BNC2: variants seen among roughly 807,000 people sequenced by gnomAD.
BNC2 encodes the protein basonuclin zinc finger protein 2.
In BNC2, 20 loss-of-function variants were observed where a neutral mutation model predicts 76.3. That is an observed-to-expected ratio of 0.26 (90% confidence interval 0.18 to 0.38). The LOEUF (loss-of-function observed/expected upper bound fraction) is 0.38. BNC2 is among the 10% of genes least tolerant of loss of function. The pLI, the probability that BNC2 is intolerant of heterozygous loss-of-function variation, is 1.00. For synonymous variants in BNC2, 582 were observed against 514.8 expected, an observed-to-expected ratio of 1.13 and a Z score of -1.77; for missense variants, 1,382 against 1,399.8, an observed-to-expected ratio of 0.99 and a Z score of 0.20.
At chr9:16,602,760 C>T (rs1820278224) in intron 3 of BNC2, among the ~76,000 whole-genome samples, 1 of 152,162 alleles carries the variant, frequency 6.6e-6, no homozygotes, top group African/African-American at 2.4e-5. Context: ...TCAGCCACTT[C>T]CTCCAGGGAC....
chr9:16,539,327 C>G (rs577529245), intron 5 of BNC2, among the ~76,000 whole-genome samples: 1 of 151,784 alleles, frequency 6.6e-6, no homozygotes. Flanking sequence ...TGAGACCAGC[C>G]TGGGCAATAC....
At chr9:16,574,483 G>T (rs548547361) in intron 4 of BNC2, among the ~76,000 whole-genome samples, 9 of 152,138 alleles carry the variant, frequency 5.9e-5, no homozygotes, top group Admixed American at 5.9e-4. Context: ...TCAAATAAGG[G>T]CTCAAATGAC....
chr9:16,559,561 T>C (rs751024980), intron 4 of BNC2, among the ~76,000 whole-genome samples: 1 of 152,224 alleles, frequency 6.6e-6, no homozygotes, highest in Non-Finnish European at 1.5e-5. Flanking sequence ...TTCGAATAAA[T>C]AGTCAATATG....
At chr9:16,653,478 T>C (rs905200563) in intron 3 of BNC2, among the ~76,000 whole-genome samples, 1 of 152,174 alleles carries the variant, frequency 6.6e-6, no homozygotes, top group Non-Finnish European at 1.5e-5. Flanking sequence ...GGCTTCTTTT[T>C]GTGTGTTTTA....
intron 3 of BNC2, among the ~76,000 whole-genome samples, chr9:16,598,936 C>T (rs1290172721): frequency 6.6e-6 from 1 of 151,976 alleles, no homozygotes; most frequent in Admixed American, 6.6e-5. Flanking sequence ...GGTTTTTGCA[C>T]AAAATATTAA....
chr9:16,856,802 A>T (rs1393622071), intron 1 of BNC2, among the ~76,000 whole-genome samples: 1 of 152,202 alleles, frequency 6.6e-6, no homozygotes, highest in Non-Finnish European at 1.5e-5. Context: ...ATCACATTGT[A>T]CTTCCAGAAG....
intron 1 of BNC2, among the ~76,000 whole-genome samples, chr9:16,818,692 T>A (rs1385761288): frequency 6.6e-6 from 1 of 151,156 alleles, no homozygotes; most frequent in Admixed American, 6.6e-5. Flanking sequence ...TCTGAACTAG[T>A]TTTTACTGTT....
intron 3 of BNC2, among the ~76,000 whole-genome samples, chr9:16,628,830 T>C (rs17739929): frequency 0.057 from 8,710 of 152,272 alleles, 328 homozygotes; most frequent in Middle Eastern, 0.096. Context: ...TGGATAATCA[T>C]TGCTGTTAAA....
At chr9:16,603,070 G>A (rs751373395) in intron 3 of BNC2, among the ~76,000 whole-genome samples, 12 of 152,150 alleles carry the variant, frequency 7.9e-5, no homozygotes, top group African/African-American at 2.9e-4. Flanking sequence ...TACATGCTTC[G>A]AAAAGATGCT....
chr9:16,819,646 G>C (rs1269537636), intron 1 of BNC2, among the ~76,000 whole-genome samples: 1 of 151,718 alleles, frequency 6.6e-6, no homozygotes, highest in Non-Finnish European at 1.5e-5. Context: ...GACAGAGCAA[G>C]ATTCCTTCTC....
chr9:16,585,864 C>G (rs370515852), intron 3 of BNC2, among the ~76,000 whole-genome samples: 20 of 152,092 alleles, frequency 1.3e-4, no homozygotes, highest in African/African-American at 4.8e-4. Context: ...TGCCTCCAAC[C>G]CTCTTCTGGG....
At chr9:16,419,802 A>G (rs750839514) in intron 6 of BNC2, among the ~76,000 whole-genome samples, 153 bp from the exon 7 acceptor site, 3 of 152,180 alleles carry the variant, frequency 2.0e-5, no homozygotes, top group Non-Finnish European at 4.4e-5. Context: ...GCATTCCCCT[A>G]TATCCTCAGG....
In BNC2 at chr9:16,461,430, G is replaced by A. The variant is rs372906642; in HGVS notation, c.670-23906C>T. 3.3e-5 allele frequency among the ~76,000 whole-genome samples: 5 copies of A among 152,244 alleles called. 1 individual carries two copies. The East Asian group carries it at 5.8e-4, about 18-fold the overall frequency. On this transcript the variant is annotated intron_variant, in intron 5 of 6. Coordinates refer to ENST00000380672, the MANE Select transcript of BNC2 (RefSeq NM_017637.6). ...AATGAGGATTTATGCTGTGATAAGA[G>A]GCAAATATCTTTAAAATGAAGCAAT...
intron 5 of BNC2, among the ~76,000 whole-genome samples, chr9:16,542,612 C>T (rs113785467): frequency 1.4e-4 from 22 of 152,266 alleles, no homozygotes; most frequent in African/African-American, 5.3e-4. Context: ...AGTGACTTCC[C>T]TAAGAAAGAA....
At chr9:16,576,276 T>C (rs1226565002) in intron 4 of BNC2, among the ~76,000 whole-genome samples, 1 of 152,374 alleles carries the variant, frequency 6.6e-6, no homozygotes, top group East Asian at 1.9e-4. Flanking sequence ...TAGTCTCCTC[T>C]CTTTATCTTG....
intron 4 of BNC2, among the ~76,000 whole-genome samples, chr9:16,568,215 T>G (rs1819220692): frequency 6.6e-6 from 1 of 152,152 alleles, no homozygotes; most frequent in Admixed American, 6.5e-5. Context: ...AGATTAACAT[T>G]TAACACACGT....
rs376844388 is a variant in BNC2, at chr9:16,636,809, A to C, written c.331-53724T>G. Reference sequence around the variant, plus strand: ...ATCTCACCAGATCCTCAAACAAGGCAAACAGGTGGGATGTTATTTGAAACT... The same window carrying C: ...ATCTCACCAGATCCTCAAACAAGGCCAACAGGTGGGATGTTATTTGAAACT... On this transcript the variant is annotated intron_variant, in intron 3 of 6. Coordinates refer to ENST00000380672, the MANE Select transcript of BNC2 (RefSeq NM_017637.6). Among the ~76,000 whole-genome samples the C allele has an allele frequency of 4.6e-5, 7 of 152,320 alleles. No homozygotes were observed. In the East Asian group the frequency reaches 7.7e-4, roughly 17 times the overall value.
chr9:16,837,434 G>A (rs971906938), intron 1 of BNC2, among the ~76,000 whole-genome samples: 2 of 152,174 alleles, frequency 1.3e-5, no homozygotes, highest in African/African-American at 4.8e-5. Flanking sequence ...AACCTTGCAG[G>A]CAGAGGTTGC....
At chr9:16,831,778 A>G (rs1238240262) in intron 1 of BNC2, among the ~76,000 whole-genome samples, 2 of 152,182 alleles carry the variant, frequency 1.3e-5, no homozygotes, top group Non-Finnish European at 2.9e-5. Flanking sequence ...ATGGTTCCTC[A>G]AGCCACCAAC....
Sources: allele counts gnomAD v4.1 joint callset (sites outside exome capture counted in the v4.1 genomes callset), GRCh38; gene constraint gnomAD v4.1.1; transcripts MANE v1.5; gene names NCBI Gene and HGNC (gene_info 2026-07-23, HGNC 2026-07-21).